ATP6V0D2: variants seen among roughly 807,000 people sequenced by gnomAD.
ATP6V0D2 encodes V-type proton ATPase subunit d 2.
Under a neutral mutation model 40.0 loss-of-function variants are expected in ATP6V0D2, and 40 were observed. The ratio of observed to expected loss-of-function variants is 1.00; its 90% CI spans 0.78 to 1.30. The LOEUF is 1.30. Ranked by LOEUF, ATP6V0D2 falls within the 50% of genes most tolerant of loss-of-function variation. The pLI, the probability that ATP6V0D2 is intolerant of heterozygous loss-of-function variation, is 0.00. For synonymous variants in ATP6V0D2, 179 were observed against 156.3 expected (o/e 1.15, Z -1.08); for missense variants, 470 against 423.1 (o/e 1.11, Z -0.97).
chr8:86,129,329 G>A (rs1177859757), intron 2 of ATP6V0D2, among the ~76,000 whole-genome samples: 1 of 152,204 alleles, frequency 6.6e-6, no homozygotes, highest in Non-Finnish European at 1.5e-5. Flanking sequence ...CAGCGACCCT[G>A]TGAAGACAGT....
chr8:86,153,409 A>G lies in ATP6V0D2; in HGVS notation c.*432A>G, dbSNP rs1247906752. ...CACTCTGTCACCTAGGCTACAGTGC[A>G]GTGGTGTGATCACAGCTCACTGCAG... is the stretch of plus-strand genomic sequence containing the variant. On this transcript the variant is annotated 3_prime_UTR_variant, in exon 8 of 8. Transcript: ENST00000285393. 1 of 155,112 alleles carries G rather than the reference A, an allele frequency of 6.4e-6. No individual in the cohort carries two copies. Among genetic ancestry groups the G allele is most frequent in the African/African-American group, 2.4e-5 (1 of 41,444 alleles). The allele number at this position is 155,112 out of a possible 1,614,324, so 9.6% of individuals were successfully genotyped here.
intron 1 of ATP6V0D2, among the ~76,000 whole-genome samples, chr8:86,113,440 C>G (rs550497122): frequency 1.5e-3 from 229 of 152,274 alleles, no homozygotes; most frequent in African/African-American, 5.4e-3. Flanking sequence ...TGAGATCGCA[C>G]CACGGCACTC....
intron 2 of ATP6V0D2, 31 bp from the exon 3 acceptor site, chr8:86,139,425 TC>T (rs765122207): frequency 2.6e-6 from 4 of 1,567,226 alleles, no homozygotes; most frequent in Non-Finnish European, 3.5e-6. Context: ...TTTGCAGCTG[TC>T]CTCTAATGAT....
chr8:86,145,954 A>G (rs1470477704), intron 5 of ATP6V0D2, among the ~76,000 whole-genome samples: 4 of 152,212 alleles, frequency 2.6e-5, no homozygotes, highest in African/African-American at 9.7e-5. Context: ...GTAGTCTAGT[A>G]TCTATTTTTC....
In ATP6V0D2 at chr8:86,101,455, G is replaced by A. The variant is rs141423523; in HGVS notation, c.130+2347G>A. Among the ~76,000 whole-genome samples, 344 of 93,894 alleles carry A rather than the reference G, an allele frequency of 3.7e-3. 12 individuals are homozygous for A. The East Asian group carries it at 0.098, about 27-fold the overall frequency. The allele number at this position is 93,894 out of a possible 152,430, so 61.6% of individuals were successfully genotyped here. A position where few individuals can be genotyped will look rare whatever the true frequency, so the allele number is the denominator to read the frequency against. On this transcript the variant is annotated intron_variant, in intron 1 of 7. Coordinates refer to ENST00000285393, the MANE Select transcript of ATP6V0D2 (RefSeq NM_152565.1). ...AGCCTGGGCGACAGAGTGAGACCCT[G>A]TCTCAGGAAAAAAAAAAAAAAAAAA...
intron 1 of ATP6V0D2, among the ~76,000 whole-genome samples, chr8:86,105,485 A>G (rs1327467692): frequency 6.6e-6 from 1 of 151,910 alleles, no homozygotes; most frequent in Admixed American, 6.6e-5. Context: ...TTTTGTAGAG[A>G]CAGGGTTTAT....
chr8:86,141,583 T>G, intron 4 of ATP6V0D2, 54 bp downstream of exon 4: 1 of 1,282,026 alleles, frequency 7.8e-7, no homozygotes, highest in Non-Finnish European at 1.1e-6. Context: ...GTATTGTGAC[T>G]AGAGTTCTCT....
chr8:86,127,667 G>T (rs372966837), intron 2 of ATP6V0D2, among the ~76,000 whole-genome samples: 59 of 152,106 alleles, frequency 3.9e-4, no homozygotes, highest in African/African-American at 1.4e-3. Flanking sequence ...CAAGCGATCC[G>T]CCTGCCTTGG....
intron 1 of ATP6V0D2, among the ~76,000 whole-genome samples, chr8:86,103,346 G>C (rs1204085460): frequency 2.0e-5 from 3 of 150,164 alleles, no homozygotes; most frequent in African/African-American, 7.4e-5. Context: ...GGCCAGGCTG[G>C]TCTCAAACTC....
At chr8:86,125,072 G>A (rs527860179) in intron 2 of ATP6V0D2, among the ~76,000 whole-genome samples, 2 of 152,276 alleles carry the variant, frequency 1.3e-5, no homozygotes, top group South Asian at 2.1e-4. Flanking sequence ...ACAGCAGAGA[G>A]AACAGAAAAC....
At chr8:86,138,828 T>C (rs1344718190) in intron 2 of ATP6V0D2, among the ~76,000 whole-genome samples, 4 of 152,206 alleles carry the variant, frequency 2.6e-5, no homozygotes, top group Non-Finnish European at 4.4e-5. Flanking sequence ...GTTCACACCC[T>C]CACCCCCCAC....
intron 5 of ATP6V0D2, among the ~76,000 whole-genome samples, chr8:86,146,018 G>A (rs1224928146): frequency 6.6e-6 from 1 of 152,182 alleles, no homozygotes; most frequent in Non-Finnish European, 1.5e-5. Context: ...ACGTCTCACA[G>A]CTAGTAAGTC....
At chr8:86,152,422 C>A (rs1819170931) in intron 7 of ATP6V0D2, among the ~76,000 whole-genome samples, 1 of 152,144 alleles carries the variant, frequency 6.6e-6, no homozygotes, top group African/African-American at 2.4e-5. Flanking sequence ...GATTTATAAT[C>A]TTTTAGGTAT....
intron 1 of ATP6V0D2, among the ~76,000 whole-genome samples, chr8:86,110,582 A>C (rs888715588): frequency 1.3e-5 from 2 of 152,184 alleles, no homozygotes; most frequent in African/African-American, 4.8e-5. Flanking sequence ...AGTTTAGAAG[A>C]ACAGAGGAGG....
At position 86,153,952 on chromosome 8, in the gene ATP6V0D2, T is replaced by A. The variant is rs1185375417; in HGVS notation, c.*975T>A. 1.3e-5 allele frequency: 2 copies of A among 151,980 alleles called. No homozygotes were observed. The highest frequency in any genetic ancestry group is 3.9e-4 in the East Asian group (2 of 5,152). 9.4% of individuals were successfully genotyped at this position (151,980 alleles called of 1,614,324 possible). On this transcript the variant is annotated 3_prime_UTR_variant, in exon 8 of 8. Coordinates refer to ENST00000285393, the MANE Select transcript of ATP6V0D2 (RefSeq NM_152565.1). ...CTCAGCTAATTTTTTGTATTTTTAGTAGAGCCGGGGTTTCACCATCTTGGC... is the reference window on the plus strand; with the variant it reads ...CTCAGCTAATTTTTTGTATTTTTAGAAGAGCCGGGGTTTCACCATCTTGGC...
At position 86,151,513 on chromosome 8, in the gene ATP6V0D2, A is replaced by C. The variant is rs745714325; in HGVS notation, c.864A>C (p.Thr288=). ...FEAVGGSGGK[T]LEDVFYEREV... ...CTGTAGGTGGCAGTGGGGGAAAGACATTGGAGGACGTGTTTTACGAGCGTG... is the reference window on the plus strand; with the variant it reads ...CTGTAGGTGGCAGTGGGGGAAAGACCTTGGAGGACGTGTTTTACGAGCGTG... Residue 288 remains threonine, a synonymous_variant, in exon 7 of 8, where the codon ACA becomes ACC. Transcript: ENST00000285393. 1.9e-6 allele frequency: 3 copies of C among 1,608,928 alleles called. No individual in the cohort carries two copies. Among genetic ancestry groups the C allele is most frequent in the Non-Finnish European group, 2.5e-6 (3 of 1,177,870 alleles).
In ATP6V0D2 at chr8:86,142,185, C is replaced by A. The variant is rs147155337; in HGVS notation, c.561+656C>A. On this transcript the variant is annotated intron_variant, in intron 4 of 7. Transcript: ENST00000285393. ...GCTGTGTTCAAACATGTGGTCCTTTCAAAAGCATTGTATTGCAGGCAGTGT... is the reference window on the plus strand; with the variant it reads ...GCTGTGTTCAAACATGTGGTCCTTTAAAAAGCATTGTATTGCAGGCAGTGT... 3.7e-3 allele frequency among the ~76,000 whole-genome samples: 557 copies of A among 152,278 alleles called. 5 individuals carry two copies. The highest frequency in any genetic ancestry group is 0.014 in the Middle Eastern group (4 of 294).
chr8:86,149,055 G>GAAAAAAAAAAAAAAAAAAAAAAAAA (rs1376369799), intron 5 of ATP6V0D2, among the ~76,000 whole-genome samples: 1 of 110,130 alleles, frequency 9.1e-6, no homozygotes, highest in Non-Finnish European at 1.7e-5. Flanking sequence ...TCCAAAGGAA[G>GAAAAAAAAAAAAAAAAAAAAAAAAA]AAAAAAAAAA....
chr8:86,113,929 T>G (rs756327994), intron 2 of ATP6V0D2, 49 bp downstream of exon 2: 1 of 1,530,310 alleles, frequency 6.5e-7, no homozygotes, highest in Non-Finnish European at 8.8e-7. Flanking sequence ...CTCGTGCGGA[T>G]GACCCCTAAC....
Sources: allele counts gnomAD v4.1 joint callset (sites outside exome capture counted in the v4.1 genomes callset), GRCh38; gene constraint gnomAD v4.1.1; transcripts MANE v1.5; gene names NCBI Gene and HGNC (gene_info 2026-07-23, HGNC 2026-07-21).